Variants in PPP2R2D observed in about 807,000 individuals in gnomAD.
PPP2R2D encodes the protein serine/threonine-protein phosphatase 2A 55 kDa regulatory subunit B delta isoform.
Under a neutral mutation model 31.1 loss-of-function variants are expected in PPP2R2D, and 9 were observed. The observed-to-expected ratio is 0.29, with a 90% CI of 0.17 to 0.51. The LOEUF (loss-of-function observed/expected upper bound fraction) is 0.51. PPP2R2D is among the 20% of genes least tolerant of loss of function. The pLI is 0.98. For synonymous variants in PPP2R2D, 179 were observed against 172.6 expected (o/e 1.04, Z -0.29); for missense variants, 391 against 465.6 (o/e 0.84, Z 1.48).
chr10:131,943,129 G>A (rs2036469999), intron 5 of PPP2R2D, among the ~76,000 whole-genome samples: 2 of 152,186 alleles, frequency 1.3e-5, no homozygotes, highest in African/African-American at 4.8e-5. Context: ...GTGAGACACA[G>A]GCCTTTTTCC....
intron 8 of PPP2R2D, among the ~76,000 whole-genome samples, chr10:131,950,324 G>A (rs2036613882): frequency 6.6e-6 from 1 of 152,114 alleles, no homozygotes; most frequent in Non-Finnish European, 1.5e-5. Context: ...GAATACACAG[G>A]ATCGGGAGCA....
Position 131,946,396 on chromosome 10 carries a change from G to A in PPP2R2D, c.820+937G>A, listed in dbSNP as rs185393497. 5.0e-3 allele frequency among the ~76,000 whole-genome samples: 762 copies of A among 152,200 alleles called. 4 individuals carry two copies. The highest frequency in any genetic ancestry group is 0.018 in the African/African-American group (729 of 41,518). The stretch of plus-strand genomic sequence containing the variant: ...AGTGACTTCCTCTGATGGGGAAGCC[G>A]CCAGTCAATCCCACCAGACTGAGCC... On this transcript the variant is annotated intron_variant, in intron 7 of 8. Coordinates refer to ENST00000455566, the MANE Select transcript of PPP2R2D (RefSeq NM_018461.5).
chr10:131,902,415 C>T (rs2035515363), intron 2 of PPP2R2D, among the ~76,000 whole-genome samples: 3 of 152,272 alleles, frequency 2.0e-5, no homozygotes, highest in South Asian at 2.1e-4. Flanking sequence ...CTCTCCCTGG[C>T]AGTGTCTGGT....
At chr10:131,944,800 T>G (rs2036505393) in intron 6 of PPP2R2D, among the ~76,000 whole-genome samples, 1 of 152,236 alleles carries the variant, frequency 6.6e-6, no homozygotes, top group Non-Finnish European at 1.5e-5. Flanking sequence ...CTGCCCTTTC[T>G]TATTTTTTTC....
chr10:131,906,954 A>C (rs2035598161), intron 2 of PPP2R2D, among the ~76,000 whole-genome samples: 1 of 151,648 alleles, frequency 6.6e-6, no homozygotes, highest in African/African-American at 2.4e-5. Flanking sequence ...AAAAAGAAAA[A>C]ATAATAATAA....
chr10:131,926,396 A>C (rs545329204), intron 2 of PPP2R2D, among the ~76,000 whole-genome samples: 1 of 152,154 alleles, frequency 6.6e-6, no homozygotes, highest in East Asian at 1.9e-4. Context: ...TCTTACTTCC[A>C]GCTGAGCGCA....
rs1349393996 is a variant in PPP2R2D at position 131,945,187 on chromosome 10, CT to C, written c.656-106del. On this transcript the variant is annotated intron_variant, in intron 6 of 8. Coordinates refer to ENST00000455566, the MANE Select transcript of PPP2R2D (RefSeq NM_018461.5). This position sits in a 1 kb window ranked among gnomAD's most constrained non-coding sequence, Gnocchi z 4.8. ...AACCAGCCTTCTTAATAGCTAATCC[CT>C]TAAACCTCACTGCGTGGATTATTTG... The C allele has an allele frequency of 2.5e-5, 33 of 1,339,784 alleles. No homozygotes were observed. The highest frequency in any genetic ancestry group is 1.9e-4 in the Middle Eastern group (1 of 5,302). 83.0% of individuals were successfully genotyped at this position (1,339,784 alleles called of 1,614,324 possible).
At chr10:131,968,610 T>G in the PPP2R2D span, 3 of 1,528,446 alleles carry the variant, frequency 2.0e-6, no homozygotes, top group Non-Finnish European at 2.7e-6. Context: ...ATCTTGTGAT[T>G]CACAGGAGAC....
At chr10:131,921,009 G>A (rs1554894178) in intron 2 of PPP2R2D, among the ~76,000 whole-genome samples, 1 of 152,234 alleles carries the variant, frequency 6.6e-6, no homozygotes, top group East Asian at 1.9e-4. Context: ...TCAGGAACAA[G>A]TTATTGGGAG....
chr10:131,944,753 C>G (rs1174396039), intron 6 of PPP2R2D, among the ~76,000 whole-genome samples: 11 of 152,222 alleles, frequency 7.2e-5, no homozygotes, highest in African/African-American at 2.4e-4. Flanking sequence ...AAGGGTGAAA[C>G]TGGGACTGCT....
In PPP2R2D at chr10:131,956,251, C is replaced by T. The variant is rs1432370582; in HGVS notation, c.*288C>T. 1.8e-6 allele frequency: 2 copies of T among 1,113,036 alleles called. No individual in the cohort carries two copies. Among genetic ancestry groups the T allele is most frequent in the Non-Finnish European group, 2.2e-6 (2 of 912,836 alleles). The allele number at this position is 1,113,036 out of a possible 1,614,324, so 68.9% of individuals were successfully genotyped here. On this transcript the variant is annotated 3_prime_UTR_variant, in exon 9 of 9. Coordinates refer to ENST00000455566, the MANE Select transcript of PPP2R2D (RefSeq NM_018461.5). ...TAAATGTATTTATTTCAGTCCGAGC[C>T]TTCCTTTCCAATTTATAGACCAAAA... is the stretch of plus-strand genomic sequence containing the variant.
At chr10:131,932,266 C>T (rs1554895782) in intron 2 of PPP2R2D, among the ~76,000 whole-genome samples, 5 of 152,098 alleles carry the variant, frequency 3.3e-5, no homozygotes, top group South Asian at 2.1e-4. Flanking sequence ...AGAAGAGACC[C>T]GATGTCTCCA....
Position 131,945,255 on chromosome 10 carries a change from C to T in PPP2R2D, c.656-40C>T, listed in dbSNP as rs782278807. ...GACTGAATGTAGACTAATTAACAAC[C>T]AGCTGAGCTGAGCACTGTGCCTTAA... On this transcript the variant is annotated intron_variant, in intron 6 of 8. Coordinates refer to ENST00000455566, the MANE Select transcript of PPP2R2D (RefSeq NM_018461.5). The surrounding 1 kb of genome is among the most constrained non-coding windows in gnomAD (Gnocchi z 4.8). 8 of 1,584,722 alleles carry T rather than the reference C, an allele frequency of 5.0e-6. No homozygotes were observed. Among genetic ancestry groups the T allele is most frequent in the Non-Finnish European group, 6.9e-6 (8 of 1,162,584 alleles).
chr10:131,935,319 T>C (rs2036318717), intron 3 of PPP2R2D, among the ~76,000 whole-genome samples: 1 of 152,240 alleles, frequency 6.6e-6, no homozygotes, highest in Non-Finnish European at 1.5e-5. Flanking sequence ...CTTTTCCTTA[T>C]AAATACAGTC....
intron 2 of PPP2R2D, among the ~76,000 whole-genome samples, chr10:131,925,110 G>A (rs1312410356): frequency 6.6e-6 from 1 of 152,156 alleles, no homozygotes; most frequent in Non-Finnish European, 1.5e-5. Context: ...ATAGAGATAT[G>A]TTACTCCTTT....
chr10:131,953,002 AG>A (rs2036707199), intron 8 of PPP2R2D, among the ~76,000 whole-genome samples: 8 of 27,464 alleles, frequency 2.9e-4, no homozygotes, highest in Non-Finnish European at 3.4e-4. Context: ...GCGGGTGTGC[AG>A]GGGGTTCACT....
chr10:131,963,497 C>T (rs181936302), downstream of PPP2R2D, among the ~76,000 whole-genome samples: 13 of 152,364 alleles, frequency 8.5e-5, no homozygotes, highest in East Asian at 1.4e-3. Context: ...TTCTACACAT[C>T]GGGTAGCATC....
chr10:131,949,445 A>G (rs571516843), intron 8 of PPP2R2D, among the ~76,000 whole-genome samples: 16 of 152,308 alleles, frequency 1.1e-4, no homozygotes, highest in African/African-American at 3.6e-4. Context: ...CAGCACACCC[A>G]GGTCTCTCTG....
At position 131,931,070 on chromosome 10, in the gene PPP2R2D, G is replaced by A. The variant is rs1051984615; in HGVS notation, c.101-3388G>A. Among the ~76,000 whole-genome samples, 10 of 152,154 alleles carry A rather than the reference G, an allele frequency of 6.6e-5. 1 individual carries two copies. Among genetic ancestry groups the A allele is most frequent in the Admixed American group, 3.9e-4 (6 of 15,282 alleles). On this transcript the variant is annotated intron_variant, in intron 2 of 8. Coordinates refer to ENST00000455566, the MANE Select transcript of PPP2R2D (RefSeq NM_018461.5). ...CCCAGGTGTCCTGCCCCACTCACCC[G>A]CAGGGGCTTGCTACCTTGAGCACGC...
Sources: allele counts gnomAD v4.1 joint callset (sites outside exome capture counted in the v4.1 genomes callset), GRCh38; gene constraint gnomAD v4.1.1; non-coding constraint Gnocchi (gnomAD v3.1); transcripts MANE v1.5; gene names NCBI Gene and HGNC (gene_info 2026-07-23, HGNC 2026-07-21).